The following TNIK variants were observed in gnomAD, a reference collection of about 807,000 sequenced individuals.
The protein encoded by TNIK is TRAF2 and NCK-interacting protein kinase.
In TNIK, 49 loss-of-function variants were observed where a neutral mutation model predicts 191.3. That is an observed-to-expected ratio of 0.26 (90% CI 0.20 to 0.32). The LOEUF is 0.32. Among genes scored for constraint, TNIK ranks in the 10% least tolerant of loss-of-function variants. The pLI, the probability that TNIK is intolerant of heterozygous loss-of-function variation, is 1.00. For synonymous variants in TNIK, 594 were observed against 600.9 expected (o/e 0.99, Z 0.17); for missense variants, 1,155 against 1,702.3 (o/e 0.68, Z 5.66).
intron 2 of TNIK, among the ~76,000 whole-genome samples, chr3:171,277,454 A>T (rs1749886377): frequency 1.3e-5 from 2 of 152,194 alleles, no homozygotes; most frequent in South Asian, 4.1e-4. Flanking sequence ...GGGAAGTATT[A>T]ATTAGAAATG....
At chr3:171,245,209 CT>C (rs1159173747) in intron 2 of TNIK, among the ~76,000 whole-genome samples, 2 of 152,150 alleles carry the variant, frequency 1.3e-5, no homozygotes, top group African/African-American at 4.8e-5. Context: ...AAGTTTCATT[CT>C]TCAACACTCA....
At chr3:171,334,548 A>G (rs915752966) in intron 2 of TNIK, among the ~76,000 whole-genome samples, 2 of 152,232 alleles carry the variant, frequency 1.3e-5, no homozygotes, top group African/African-American at 4.8e-5. Context: ...CCTGGCACTC[A>G]GGAGCAGCAT....
intron 1 of TNIK, among the ~76,000 whole-genome samples, chr3:171,382,410 AG>A (rs1216925804): frequency 6.6e-6 from 1 of 151,990 alleles, no homozygotes; most frequent in Non-Finnish European, 1.5e-5. Context: ...TAGGAGAGAC[AG>A]GGTTTCACCA....
chr3:171,380,613 T>C (rs9811628), intron 1 of TNIK, among the ~76,000 whole-genome samples: 130,953 of 152,284 alleles, frequency 0.86, 56,384 homozygotes, highest in East Asian at 1. Flanking sequence ...GGGACCTAAC[T>C]CTATTCTAAG....
chr3:171,199,639 T>C (rs937262808), intron 4 of TNIK, among the ~76,000 whole-genome samples: 2 of 152,214 alleles, frequency 1.3e-5, no homozygotes, highest in Non-Finnish European at 2.9e-5. Context: ...TTGAGCAGGG[T>C]GAAAGCACGT....
chr3:171,125,228 T>C (rs1396796066), intron 17 of TNIK, among the ~76,000 whole-genome samples: 1 of 152,210 alleles, frequency 6.6e-6, no homozygotes, highest in Admixed American at 6.5e-5. Flanking sequence ...TTTGAAATAC[T>C]TCCAGGTTGT....
At chr3:171,400,126 G>A (rs923614040) in intron 1 of TNIK, among the ~76,000 whole-genome samples, 1 of 152,116 alleles carries the variant, frequency 6.6e-6, no homozygotes, top group African/African-American at 2.4e-5. Context: ...TCTTAAATTG[G>A]TAGAAACCAT....
At chr3:171,351,769 T>G (rs777214111) in intron 2 of TNIK, among the ~76,000 whole-genome samples, 4 of 152,212 alleles carry the variant, frequency 2.6e-5, no homozygotes, top group Non-Finnish European at 5.9e-5. Context: ...TCCTCTTCAC[T>G]TATCCAAATG....
intron 2 of TNIK, among the ~76,000 whole-genome samples, chr3:171,281,802 C>T (rs920027696): frequency 6.6e-6 from 1 of 152,134 alleles, no homozygotes; most frequent in Non-Finnish European, 1.5e-5. Flanking sequence ...GATGACAAGA[C>T]AATAAATTTT....
At chr3:171,424,417 C>T (rs761440835) in intron 1 of TNIK, among the ~76,000 whole-genome samples, 3 of 152,276 alleles carry the variant, frequency 2.0e-5, no homozygotes, top group African/African-American at 2.4e-5. Flanking sequence ...TGGTGGAAGT[C>T]GGTGTGGCAA....
At chr3:171,145,614 A>G (rs1227868347) in intron 12 of TNIK, among the ~76,000 whole-genome samples, 1 of 152,150 alleles carries the variant, frequency 6.6e-6, no homozygotes, top group African/African-American at 2.4e-5. Flanking sequence ...GGGGCCCTCA[A>G]AGGTAATGCA....
Position 171,063,966 on chromosome 3 carries a change from T to A in TNIK, c.4000-2A>T. 6.2e-7 allele frequency: 1 copy of A among 1,613,438 alleles called. No homozygotes were observed. The highest frequency in any genetic ancestry group is 8.5e-7 in the Non-Finnish European group (1 of 1,179,566). On this transcript the variant is annotated splice_acceptor_variant, in intron 32 of 32. Transcript: ENST00000436636. LOFTEE classifies it high-confidence loss of function. ...AGATCGCACGGATGCAAAAAATACC[T>A]GTTTGAAATTAAAAAGAAGTTAGTT...
intron 2 of TNIK, among the ~76,000 whole-genome samples, chr3:171,275,573 TTA>T (rs1749630244): frequency 6.6e-6 from 1 of 152,156 alleles, no homozygotes; most frequent in Non-Finnish European, 1.5e-5. Context: ...TCTCACAAAA[TTA>T]TGACTTGATT....
At chr3:171,379,728 A>G (rs1388967048) in intron 1 of TNIK, among the ~76,000 whole-genome samples, 1 of 152,206 alleles carries the variant, frequency 6.6e-6, no homozygotes. Flanking sequence ...GCATACATGC[A>G]GGCCGGACAC....
intron 2 of TNIK, among the ~76,000 whole-genome samples, chr3:171,272,908 A>G (rs939961617): frequency 4.6e-5 from 7 of 152,220 alleles, no homozygotes; most frequent in African/African-American, 1.7e-4. Context: ...TTGTACCCTT[A>G]TGGCCACGTA....
At position 171,366,336 on chromosome 3, in the gene TNIK, C is replaced by T. The variant is rs1239101029; in HGVS notation, c.123+3284G>A. 6.6e-6 allele frequency among the ~76,000 whole-genome samples: 1 copy of T among 152,082 alleles called. No homozygotes were observed. The highest frequency in any genetic ancestry group is 2.4e-5 in the African/African-American group (1 of 41,412). On this transcript the variant is annotated intron_variant, in intron 2 of 32. Coordinates refer to ENST00000436636, the MANE Select transcript of TNIK (RefSeq NM_015028.4). The surrounding 1 kb of genome is among the most constrained non-coding windows in gnomAD (Gnocchi z 4.1). ...AATGCTAAAGATAAACAAATCTAAC[C>T]TTGCCCAAAACAGGAATAAGCTAAA...
intron 2 of TNIK, chr3:171,347,173 T>C (rs1386096359): frequency 2.0e-6 from 3 of 1,523,714 alleles, no homozygotes. Flanking sequence ...GACTCCTAGT[T>C]GGTTCTTGGA....
intron 16 of TNIK, among the ~76,000 whole-genome samples, chr3:171,127,551 ATTT>A (rs1728661901): frequency 6.6e-6 from 1 of 152,162 alleles, no homozygotes; most frequent in African/African-American, 2.4e-5. Context: ...CATCAAGTAC[ATTT>A]TCCCTCTCTT....
rs1258797516 is a variant in TNIK, at chr3:171,108,166, G to A, written c.2285-4C>T. On this transcript the variant is annotated splice_region_variant and splice_polypyrimidine_tract_variant and intron_variant, in intron 19 of 32. Coordinates refer to ENST00000436636, the MANE Select transcript of TNIK (RefSeq NM_015028.4). ...GATCCTTCTGACTTACTGTTGGCTAGAGGAAAAAAACAGAGGACCAAGAAA... is the reference window on the plus strand; with the variant it reads ...GATCCTTCTGACTTACTGTTGGCTAAAGGAAAAAAACAGAGGACCAAGAAA... 9 of 1,533,970 alleles carry A rather than the reference G, an allele frequency of 5.9e-6. No individual in the cohort carries two copies. The highest frequency in any genetic ancestry group is 2.2e-5 in the Admixed American group (1 of 45,192).
Sources: gnomAD v4.1 joint callset for allele counts (sites outside exome capture counted in the v4.1 genomes callset) on GRCh38, gnomAD v4.1.1 for gene constraint, Gnocchi (gnomAD v3.1) non-coding constraint, MANE v1.5 for transcripts, NCBI Gene and HGNC (gene_info 2026-07-23, HGNC 2026-07-21) for gene names.